Variants in ARHGAP10 observed in about 807,000 individuals in gnomAD.
ARHGAP10 encodes Rho GTPase activating protein 10.
ARHGAP10 carries 87 observed loss-of-function variants against 108.6 expected under a neutral mutation model. The ratio of observed to expected loss-of-function variants is 0.80; its 90% CI spans 0.67 to 0.96. The LOEUF (loss-of-function observed/expected upper bound fraction) is 0.96. Among genes scored for constraint, ARHGAP10 ranks in the 40% least tolerant of loss-of-function variants. The pLI, the probability that ARHGAP10 is intolerant of heterozygous loss-of-function variation, is 0.00. For missense variants in ARHGAP10, 939 were observed against 954.5 expected (o/e 0.98, Z 0.21); for synonymous variants, 347 against 341.1 (o/e 1.02, Z -0.19).
intron 16 of ARHGAP10, among the ~76,000 whole-genome samples, chr4:147,958,354 A>G (rs1308174974): frequency 6.6e-6 from 1 of 152,054 alleles, no homozygotes; most frequent in African/African-American, 2.4e-5. Context: ...AAACCAAAAC[A>G]CTTGTGTTGC....
At chr4:147,765,677 G>C (rs976319705) in intron 1 of ARHGAP10, among the ~76,000 whole-genome samples, 1 of 152,188 alleles carries the variant, frequency 6.6e-6, no homozygotes, top group African/African-American at 2.4e-5. Flanking sequence ...GCACATGCCT[G>C]TTGTCCGAGC....
At chr4:147,959,105 AC>A (rs1309458606) in intron 16 of ARHGAP10, among the ~76,000 whole-genome samples, 2 of 152,178 alleles carry the variant, frequency 1.3e-5, no homozygotes, top group Non-Finnish European at 1.5e-5. Flanking sequence ...ATCTTCAAAA[AC>A]TTTTTTTGGA....
chr4:147,839,994 C>T (rs1733346308), intron 3 of ARHGAP10, among the ~76,000 whole-genome samples: 1 of 152,330 alleles, frequency 6.6e-6, no homozygotes, highest in African/African-American at 2.4e-5. Flanking sequence ...CTCAAAACTA[C>T]AGCATGGAAA....
chr4:147,864,536 T>C (rs1450675335), intron 5 of ARHGAP10: 1 of 221,084 alleles, frequency 4.5e-6, no homozygotes, highest in Non-Finnish European at 8.9e-6. Context: ...TGATCTTCAG[T>C]TCTTGGGGGT....
chr4:147,909,336 G>A (rs1736637221), intron 11 of ARHGAP10, among the ~76,000 whole-genome samples: 1 of 152,174 alleles, frequency 6.6e-6, no homozygotes. Context: ...GCTTATCAGA[G>A]CTTGTTGTTT....
Position 148,063,246 on chromosome 4 carries a change from C to G in ARHGAP10, c.2126C>G (p.Ser709Trp). Residue 709 changes from serine to tryptophan, a missense_variant, in exon 21 of 23, where the codon TCG becomes TGG. Coordinates refer to ENST00000336498, the MANE Select transcript of ARHGAP10 (RefSeq NM_024605.4). The stretch of plus-strand genomic sequence containing the variant: ...GCTGTGACACCTCTTTCACCCGGGT[C>G]GTCCCCTTTCCCCTTTTCTCCTCCT... ...NSAVTPLSPG[S>W]SPFPFSPPAT... is the part of the protein sequence containing the mutation. 1 of 1,614,174 alleles carries G rather than the reference C, an allele frequency of 6.2e-7. No homozygotes were observed. The highest frequency in any genetic ancestry group is 1.3e-5 in the African/African-American group (1 of 75,040).
At chr4:147,983,514 T>TC (rs1268192239) in intron 18 of ARHGAP10, among the ~76,000 whole-genome samples, 1 of 152,066 alleles carries the variant, frequency 6.6e-6, no homozygotes, top group South Asian at 2.1e-4. Context: ...TTTTTTTTTT[T>TC]TTCAAATTTT....
chr4:147,922,384 T>G (rs1270105543), intron 13 of ARHGAP10, among the ~76,000 whole-genome samples: 2 of 151,006 alleles, frequency 1.3e-5, no homozygotes, highest in East Asian at 3.9e-4. Context: ...AGACCCTTAG[T>G]TCCTTTAAAA....
intron 18 of ARHGAP10, 25 bp from the exon 19 acceptor site, chr4:148,023,238 C>G: frequency 6.2e-7 from 1 of 1,612,230 alleles, no homozygotes; most frequent in Non-Finnish European, 8.5e-7. Context: ...GTAAATAATT[C>G]CTGTCCTTTA....
chr4:147,976,122 A>G (rs1376142814), intron 18 of ARHGAP10, among the ~76,000 whole-genome samples: 1 of 152,200 alleles, frequency 6.6e-6, no homozygotes, highest in Admixed American at 6.5e-5. Flanking sequence ...GGTCTCTGTC[A>G]TTCTTTAATA....
chr4:147,793,305 C>CATATAT (rs1167905424), intron 1 of ARHGAP10, among the ~76,000 whole-genome samples: 2 of 130,004 alleles, frequency 1.5e-5, no homozygotes, highest in African/African-American at 5.4e-5. Context: ...ATAACACACA[C>CATATAT]ATATATATAT....
intron 16 of ARHGAP10, among the ~76,000 whole-genome samples, chr4:147,957,729 C>G (rs1398513095): frequency 6.6e-6 from 1 of 152,086 alleles, no homozygotes; most frequent in Non-Finnish European, 1.5e-5. Context: ...CTCCTGGGTC[C>G]CATTGTTTTC....
chr4:147,980,600 G>C (rs1739775235), intron 18 of ARHGAP10, among the ~76,000 whole-genome samples: 1 of 152,182 alleles, frequency 6.6e-6, no homozygotes. Flanking sequence ...AATTGTTCCA[G>C]TAGGATTGGT....
chr4:147,887,230 C>CA (rs1735607077), intron 10 of ARHGAP10, among the ~76,000 whole-genome samples: 2 of 152,140 alleles, frequency 1.3e-5, no homozygotes. Flanking sequence ...CCTCCACCCT[C>CA]AGTGCCCAGA....
intron 10 of ARHGAP10, among the ~76,000 whole-genome samples, chr4:147,898,947 T>C (rs1374559647): frequency 1.3e-5 from 2 of 152,220 alleles, no homozygotes; most frequent in South Asian, 2.1e-4. Flanking sequence ...CATCACCTTA[T>C]ACCTTACACC....
Position 148,031,783 on chromosome 4 carries a change from A to T in ARHGAP10, c.1867+8370A>T, listed in dbSNP as rs145059691. ...GAGCCAGAGAGGACTATGGTTTTCA[A>T]TGTGGGACATAAAACACTGTAACAA... On this transcript the variant is annotated intron_variant, in intron 19 of 22. Transcript: ENST00000336498. Among the ~76,000 whole-genome samples the T allele has an allele frequency of 8.7e-4, 132 of 152,340 alleles. No individual in the cohort carries two copies. The East Asian group carries it at 0.021, about 24-fold the overall frequency.
At chr4:147,800,487 G>A (rs1291663156) in intron 1 of ARHGAP10, among the ~76,000 whole-genome samples, 3 of 152,136 alleles carry the variant, frequency 2.0e-5, no homozygotes, top group Non-Finnish European at 2.9e-5. Flanking sequence ...CTTTTGGATG[G>A]TGTAGGACTT....
chr4:148,000,962 T>G (rs1296009583), intron 18 of ARHGAP10, among the ~76,000 whole-genome samples: 1 of 152,246 alleles, frequency 6.6e-6, no homozygotes, highest in East Asian at 1.9e-4. Context: ...TGGCTTTTGT[T>G]GCCATTGCTT....
At chr4:147,877,200 A>G (rs1276358013) in intron 8 of ARHGAP10, among the ~76,000 whole-genome samples, 1 of 152,110 alleles carries the variant, frequency 6.6e-6, no homozygotes, top group Non-Finnish European at 1.5e-5. Flanking sequence ...TGGATTAAAT[A>G]GACAGTATCA....
Sources: allele counts gnomAD v4.1 joint callset (sites outside exome capture counted in the v4.1 genomes callset), GRCh38; gene constraint gnomAD v4.1.1; transcripts MANE v1.5; gene names NCBI Gene and HGNC (gene_info 2026-07-23, HGNC 2026-07-21).